The following ST7 variants were observed in gnomAD, a reference collection of about 807,000 sequenced individuals.
The protein encoded by ST7 is suppression of tumorigenicity 7, also known as suppressor of tumorigenicity 7 protein.
A neutral mutation model predicts 78.7 loss-of-function variants in ST7; 28 were observed. The observed-to-expected ratio is 0.36, with a 90% CI of 0.26 to 0.49. The LOEUF (loss-of-function observed/expected upper bound fraction) is 0.49, where lower values mean the gene tolerates loss of function less well. ST7 is among the 20% of genes least tolerant of loss of function. The pLI is 0.99. For synonymous variants in ST7, 247 were observed against 249.6 expected, an observed-to-expected ratio of 0.99 and a Z score of 0.10; for missense variants, 418 against 696.0, an observed-to-expected ratio of 0.60 and a Z score of 4.49.
chr7:117,114,980 C>T (rs1220840028), intron 2 of ST7, among the ~76,000 whole-genome samples: 1 of 152,184 alleles, frequency 6.6e-6, no homozygotes, highest in African/African-American at 2.4e-5. Flanking sequence ...ATCCTTTCTG[C>T]TTCTGTCAAA....
chr7:117,105,223 A>C (rs1196303084), intron 2 of ST7, among the ~76,000 whole-genome samples: 1 of 152,258 alleles, frequency 6.6e-6, no homozygotes, highest in East Asian at 1.9e-4. Flanking sequence ...CAAGTACAGA[A>C]AGACATATAT....
At chr7:116,961,448 G>A (rs1792817070) in intron 1 of ST7, among the ~76,000 whole-genome samples, 1 of 152,118 alleles carries the variant, frequency 6.6e-6, no homozygotes, top group Non-Finnish European at 1.5e-5. Context: ...CTATCCGTGA[G>A]CATGGGATGT....
chr7:117,201,705 C>T (rs890586037), intron 12 of ST7, among the ~76,000 whole-genome samples: 1 of 152,012 alleles, frequency 6.6e-6, no homozygotes, highest in Non-Finnish European at 1.5e-5. Flanking sequence ...CCATGTTGCC[C>T]AGGCTGGTCT....
intron 1 of ST7, among the ~76,000 whole-genome samples, chr7:117,057,269 A>G (rs1798112538): frequency 2.0e-5 from 3 of 152,186 alleles, no homozygotes; most frequent in Non-Finnish European, 2.9e-5. Flanking sequence ...TATATCTGAA[A>G]GTGACTTTCT....
Position 117,156,279 on chromosome 7 carries a change from G to A in ST7, c.964-14583G>A, listed in dbSNP as rs1806681521. 3.9e-5 allele frequency among the ~76,000 whole-genome samples: 6 copies of A among 152,080 alleles called. No homozygotes were observed. In the South Asian group the frequency reaches 1.2e-3, roughly 32 times the overall value. ...TCAGTAACTATTTGTAAAATGAATC[G>A]AATAGATTGGCTGTGGAAAAAAAGA... On this transcript the variant is annotated intron_variant, in intron 9 of 15. Transcript: ENST00000323984.
intron 14 of ST7, 143 bp from the exon 15 acceptor site, chr7:117,221,780 T>C (rs1361936003): frequency 3.2e-6 from 3 of 926,928 alleles, no homozygotes; most frequent in Non-Finnish European, 4.6e-6. Context: ...ATGTTGGCTA[T>C]GGTTTGTCAG....
At chr7:117,030,234 T>C (rs934100578) in intron 1 of ST7, among the ~76,000 whole-genome samples, 9 of 152,230 alleles carry the variant, frequency 5.9e-5, no homozygotes, top group Non-Finnish European at 1.2e-4. Flanking sequence ...GAATAGGTTA[T>C]TTTTCATTGA....
chr7:117,102,966 A>G (rs913253397), intron 2 of ST7, among the ~76,000 whole-genome samples: 2 of 152,162 alleles, frequency 1.3e-5, no homozygotes, highest in African/African-American at 2.4e-5. Flanking sequence ...CAAGAAAGCA[A>G]TCCCATTTAC....
chr7:117,091,744 C>T (rs969378714), intron 1 of ST7, among the ~76,000 whole-genome samples: 7 of 152,086 alleles, frequency 4.6e-5, no homozygotes, highest in Non-Finnish European at 7.3e-5. Flanking sequence ...AACAAATTTC[C>T]GTAAATATAG....
At chr7:117,207,620 T>C (rs901978716) in intron 12 of ST7, among the ~76,000 whole-genome samples, 3 of 152,346 alleles carry the variant, frequency 2.0e-5, no homozygotes, top group Admixed American at 2.0e-4. Context: ...CACTTTTCTT[T>C]TATCCACCAT....
intron 13 of ST7, among the ~76,000 whole-genome samples, chr7:117,218,771 A>G (rs1354169098): frequency 6.6e-6 from 1 of 152,230 alleles, no homozygotes; most frequent in Non-Finnish European, 1.5e-5. Context: ...ATTAGTGCCC[A>G]TAACATTTTA....
intron 12 of ST7, among the ~76,000 whole-genome samples, chr7:117,198,828 G>T (rs940309477): frequency 1.3e-5 from 2 of 151,950 alleles, no homozygotes; most frequent in Non-Finnish European, 2.9e-5. Context: ...AGAGCCAGGT[G>T]TCCCCACTAT....
At chr7:117,139,288 A>G (rs912823790) in intron 9 of ST7, among the ~76,000 whole-genome samples, 2 of 152,190 alleles carry the variant, frequency 1.3e-5, no homozygotes, top group Non-Finnish European at 2.9e-5. Context: ...TTTCTTTTTA[A>G]AAACAATCTC....
intron 1 of ST7, among the ~76,000 whole-genome samples, chr7:117,064,677 C>G (rs1798537828): frequency 6.6e-6 from 1 of 152,188 alleles, no homozygotes; most frequent in Admixed American, 6.5e-5. Flanking sequence ...TGTTTTATAG[C>G]AAATGTATAC....
In ST7 at chr7:117,202,214, G is replaced by A. The variant is rs1810929321; in HGVS notation, c.1255-7573G>A. On this transcript the variant is annotated intron_variant, in intron 12 of 15. Transcript: ENST00000323984. ...CCTGACCTCGTGATCCGCCCGCCTC[G>A]GCCTCCCAAAGTGCTGGGATTACAG... 9.7e-5 allele frequency among the ~76,000 whole-genome samples: 2 copies of A among 20,704 alleles called. 1 individual carries two copies. The highest frequency in any genetic ancestry group is 2.4e-4 in the Non-Finnish European group (2 of 8,488). The allele number at this position is 20,704 out of a possible 152,430, so 13.6% of individuals were successfully genotyped here.
rs142029385 is a variant in ST7, at chr7:117,216,538, T to C, written c.1406-2546T>C. ...TAGATTCGCAAAATTTCTGGACATTTGGCAAAAGGCACAAGGCTGTCATGG... is the reference window on the plus strand; with the variant it reads ...TAGATTCGCAAAATTTCTGGACATTCGGCAAAAGGCACAAGGCTGTCATGG... On this transcript the variant is annotated intron_variant, in intron 13 of 15. Transcript: ENST00000323984. Among the ~76,000 whole-genome samples the C allele has an allele frequency of 3.3e-5, 5 of 152,286 alleles. No individual in the cohort carries two copies. The East Asian group carries it at 7.7e-4, about 24-fold the overall frequency.
intron 1 of ST7, among the ~76,000 whole-genome samples, chr7:116,965,199 G>T (rs946327725): frequency 4.6e-5 from 7 of 152,174 alleles, no homozygotes; most frequent in African/African-American, 1.4e-4. Context: ...AATTAGCTGG[G>T]TGTAGTGGCG....
At chr7:117,200,570 G>A (rs919682048) in intron 12 of ST7, among the ~76,000 whole-genome samples, 3 of 152,108 alleles carry the variant, frequency 2.0e-5, no homozygotes, top group Non-Finnish European at 2.9e-5. Context: ...CACTGTGCCC[G>A]CCCAAGAGGT....
intron 1 of ST7, among the ~76,000 whole-genome samples, chr7:117,004,111 G>T (rs1795057809): frequency 6.6e-6 from 1 of 152,150 alleles, no homozygotes; most frequent in Non-Finnish European, 1.5e-5. Flanking sequence ...ATGCCAATTA[G>T]TATGGATCAC....
Sources: gnomAD v4.1 joint callset for allele counts (sites outside exome capture counted in the v4.1 genomes callset) on GRCh38, gnomAD v4.1.1 for gene constraint, MANE v1.5 for transcripts, NCBI Gene and HGNC (gene_info 2026-07-23, HGNC 2026-07-21) for gene names.